GBF1: variants seen among roughly 807,000 people sequenced by gnomAD.
GBF1 encodes the protein golgi brefeldin A resistant guanine nucleotide exchange factor 1.
In GBF1, 114 loss-of-function variants were observed where a neutral mutation model predicts 210.5. The ratio of observed to expected loss-of-function variants is 0.54; its 90% confidence interval spans 0.47 to 0.63. GBF1 has a LOEUF of 0.63. GBF1 is among the 30% of genes least tolerant of loss of function. The pLI is 0.00. For synonymous variants in GBF1, 850 were observed against 889.2 expected (o/e 0.96, Z 0.78); for missense variants, 1,851 against 2,357.7 (o/e 0.79, Z 4.45).
intron 3 of GBF1, among the ~76,000 whole-genome samples, chr10:102,326,122 T>C (rs939160618): frequency 6.6e-6 from 1 of 152,242 alleles, no homozygotes; most frequent in Admixed American, 6.5e-5. Flanking sequence ...ACTTGTCTAT[T>C]ACTATGGTTA....
chr10:102,358,726 C>A lies in GBF1; in HGVS notation c.1008C>A (p.Leu336=). 6.3e-7 allele frequency: 1 copy of A among 1,594,694 alleles called. No homozygotes were observed. The highest frequency in any genetic ancestry group is 8.6e-7 in the Non-Finnish European group (1 of 1,162,484). The change falls in exon 10 of 40, where the codon CTC becomes CTA. Residue 336 remains leucine (L), a synonymous_variant. Transcript: ENST00000369983. Reference sequence around the variant, plus strand: ...TAGGTGTTCCCGAGCAGCCTGACCTCCAGGTATGGCTTTGATTTTTAATGT... The same window carrying A: ...TAGGTGTTCCCGAGCAGCCTGACCTACAGGTATGGCTTTGATTTTTAATGT... ...SELGVPEQPD[L]QQEGTHVEKS...
chr10:102,367,660 T>A lies in GBF1; in HGVS notation c.2642+100T>A. 4 of 775,982 alleles carry A rather than the reference T, an allele frequency of 5.2e-6. No homozygotes were observed. In the South Asian group the frequency reaches 5.8e-5, roughly 11 times the overall value. The allele number at this position is 775,982 out of a possible 1,614,324, so 48.1% of individuals were successfully genotyped here. On this transcript the variant is annotated intron_variant, in intron 21 of 39. Coordinates refer to ENST00000369983, the MANE Select transcript of GBF1 (RefSeq NM_001377137.1). ...TCATGTCAGACTGCAGTGACTCACA[T>A]GCCCTGGATTTAGCCTCAGGACTTA...
chr10:102,344,632 C>G (rs767303066), intron 4 of GBF1, among the ~76,000 whole-genome samples: 1 of 151,988 alleles, frequency 6.6e-6, no homozygotes, highest in East Asian at 1.9e-4. Context: ...AGGCGCCCAC[C>G]ACCACGCCCA....
chr10:102,231,453 G>T, the GBF1 span: 1 of 648,580 alleles, frequency 1.5e-6, no homozygotes, highest in Non-Finnish European at 2.7e-6. Flanking sequence ...ACCGCGTGGG[G>T]CTGCGGCCGG....
chr10:102,297,894 C>G (rs1222911444), intron 3 of GBF1, among the ~76,000 whole-genome samples: 1 of 151,960 alleles, frequency 6.6e-6, no homozygotes, highest in Non-Finnish European at 1.5e-5. Context: ...ATGCAGGTAC[C>G]TGGAATGAAA....
At chr10:102,313,581 C>A (rs566215642) in intron 3 of GBF1, among the ~76,000 whole-genome samples, 1 of 152,334 alleles carries the variant, frequency 6.6e-6, no homozygotes, top group Non-Finnish European at 1.5e-5. Flanking sequence ...CCTCATTAAT[C>A]TTCCTGGTCT....
Position 102,368,208 on chromosome 10 carries a change from C to G in GBF1, c.2643-10C>G. 1 of 1,581,934 alleles carries G rather than the reference C, an allele frequency of 6.3e-7. No individual in the cohort carries two copies. Among genetic ancestry groups the G allele is most frequent in the Non-Finnish European group, 8.7e-7 (1 of 1,151,124 alleles). ...GCAGTGCAACTGCTCCTTCCCTTACCTCCTGACAGGAATGAGGAAATTGTA... is the reference window on the plus strand; with the variant it reads ...GCAGTGCAACTGCTCCTTCCCTTACGTCCTGACAGGAATGAGGAAATTGTA... On this transcript the variant is annotated splice_polypyrimidine_tract_variant and intron_variant, in intron 21 of 39. Transcript: ENST00000369983.
the GBF1 span, chr10:102,230,967 C>A: frequency 2.5e-6 from 4 of 1,607,550 alleles, no homozygotes; most frequent in Admixed American, 6.7e-5. Flanking sequence ...AGTTGCCGTA[C>A]GAGTAGCCGG....
At chr10:102,369,574 C>A in intron 24 of GBF1, 137 bp from the exon 25 acceptor site, 1 of 893,584 alleles carries the variant, frequency 1.1e-6, no homozygotes, top group Non-Finnish European at 1.8e-6. Flanking sequence ...CTGGTAGATG[C>A]CATTGCCAGT....
rs1035012539 is a variant in GBF1, at chr10:102,368,787, C to T, written c.2928C>T (p.Asp976=). The change falls in exon 23 of 40, where the codon GAC becomes GAT. Residue 976 remains aspartate (D), a synonymous_variant. Coordinates refer to ENST00000369983, the MANE Select transcript of GBF1 (RefSeq NM_001377137.1). ...SAHYGLSDVF[D]NLIISLCKFT... is the part of the protein sequence containing the mutation. The stretch of plus-strand genomic sequence containing the variant: ...ACTATGGCCTCAGCGATGTGTTTGA[C>T]AATCTCATCATCTCTCTATGCAAAT... 1 of 1,613,192 alleles carries T rather than the reference C, an allele frequency of 6.2e-7. No individual in the cohort carries two copies. The highest frequency in any genetic ancestry group is 1.7e-5 in the Admixed American group (1 of 59,986).
chr10:102,379,898 G>A lies in GBF1; in HGVS notation c.4822G>A (p.Ala1608Thr). 1.9e-6 allele frequency: 3 copies of A among 1,613,902 alleles called. No homozygotes were observed. Among genetic ancestry groups the A allele is most frequent in the Non-Finnish European group, 2.5e-6 (3 of 1,179,840 alleles). The change falls in exon 36 of 40, where the codon GCA (alanine) becomes ACA (threonine). Residue 1608 changes from alanine (A) to threonine (T), a missense_variant. By Grantham distance (58) the Ala-to-Thr change is moderately conservative (BLOSUM62 0). This residue lies in a region of GBF1 where 967 missense variants were observed against 1,247.7 expected (regional missense o/e 0.78). Coordinates refer to ENST00000369983, the MANE Select transcript of GBF1 (RefSeq NM_001377137.1). ...CAAGCTCTTGGAGAACATCAGCCCT[G>A]CAGATGTGGGTGGGATGGAGGAGAC... is the stretch of plus-strand genomic sequence containing the variant. ...LTKLLENISP[A>T]DVGGMEETRM...
chr10:102,306,612 C>T (rs1222362909), intron 3 of GBF1, among the ~76,000 whole-genome samples: 3 of 152,100 alleles, frequency 2.0e-5, no homozygotes, highest in African/African-American at 4.8e-5. Context: ...TTAGTAGAGA[C>T]GGGGTTTTGC....
intron 3 of GBF1, among the ~76,000 whole-genome samples, chr10:102,317,375 TTGGGAGGCCAAGG>T (rs2055909910): frequency 1.3e-5 from 2 of 152,206 alleles, no homozygotes; most frequent in Non-Finnish European, 2.9e-5. Context: ...TCCCAGCAGT[TTGGGAGGCCAAGG>T]TGGGTGGATC....
chr10:102,315,163 A>G (rs1270410525), intron 3 of GBF1, among the ~76,000 whole-genome samples: 1 of 152,226 alleles, frequency 6.6e-6, no homozygotes, highest in Non-Finnish European at 1.5e-5. Context: ...CAGTACTTAC[A>G]TAGGACCTTT....
At position 102,368,754 on chromosome 10, in the gene GBF1, C is replaced by T. The variant is rs1554980111; in HGVS notation, c.2895C>T (p.Ile965=). The change falls in exon 23 of 40, where the codon ATC becomes ATT. Residue 965 remains isoleucine (I), a synonymous_variant. Transcript: ENST00000369983. ...AISGFRKCAM[I]SAHYGLSDVF... Reference sequence around the variant, plus strand: ...AACATTACAGGAAGTGCGCCATGATCTCCGCCCACTATGGCCTCAGCGATG... The same window carrying T: ...AACATTACAGGAAGTGCGCCATGATTTCCGCCCACTATGGCCTCAGCGATG... 10 of 1,612,272 alleles carry T rather than the reference C, an allele frequency of 6.2e-6. No homozygotes were observed. The highest frequency in any genetic ancestry group is 6.8e-6 in the Non-Finnish European group (8 of 1,178,468).
chr10:102,362,383 C>T, intron 14 of GBF1, 92 bp from the exon 15 acceptor site: 1 of 930,448 alleles, frequency 1.1e-6, no homozygotes, highest in Non-Finnish European at 1.7e-6. Context: ...GGGCAATGTA[C>T]AAGTTAGAAG....
At chr10:102,296,450 A>G (rs573521382) in intron 3 of GBF1, among the ~76,000 whole-genome samples, 2 of 152,316 alleles carry the variant, frequency 1.3e-5, no homozygotes, top group Admixed American at 6.5e-5. Flanking sequence ...TCTTTGAATG[A>G]TAAAGAATTG....
At chr10:102,343,799 CAAAAAAAA>C (rs56360033) in intron 3 of GBF1, among the ~76,000 whole-genome samples, 2 of 124,312 alleles carry the variant, frequency 1.6e-5, no homozygotes, top group African/African-American at 3.1e-5. Flanking sequence ...CTCTGTCTGA[CAAAAAAAA>C]AAAAAAAAAG....
chr10:102,356,394 C>G (rs1180169460), intron 8 of GBF1, among the ~76,000 whole-genome samples: 1 of 152,176 alleles, frequency 6.6e-6, no homozygotes, highest in Non-Finnish European at 1.5e-5. Flanking sequence ...CAAGAATGGT[C>G]TATCAGTCTA....
Sources: gnomAD v4.1 joint callset for allele counts (sites outside exome capture counted in the v4.1 genomes callset) on GRCh38, gnomAD v4.1.1 for gene constraint, gnomAD v4.1.1 regional missense constraint, MANE v1.5 for transcripts, NCBI Gene and HGNC (gene_info 2026-07-23, HGNC 2026-07-21) for gene names.